MARCHF1: variants seen among roughly 807,000 people sequenced by gnomAD.
The protein encoded by MARCHF1 is membrane associated ring-CH-type finger 1, also known as E3 ubiquitin-protein ligase MARCHF1.
In MARCHF1, 40 loss-of-function variants were observed where a neutral mutation model predicts 54.2. The observed-to-expected ratio is 0.74, with a 90% confidence interval of 0.57 to 0.96. The LOEUF is 0.96. Ranked by LOEUF, MARCHF1 falls within the 40% of genes least tolerant of loss-of-function variation. The pLI, the probability that MARCHF1 is intolerant of heterozygous loss-of-function variation, is 0.00. For synonymous variants in MARCHF1, 236 were observed against 236.3 expected (o/e 1.00, Z 0.01); for missense variants, 586 against 656.5 (o/e 0.89, Z 1.17).
intron 7 of MARCHF1, among the ~76,000 whole-genome samples, chr4:163,608,683 G>C (rs1298671332): frequency 6.6e-6 from 1 of 152,010 alleles, no homozygotes; most frequent in Non-Finnish European, 1.5e-5. Flanking sequence ...TACTTTCTCT[G>C]AAAAAGGCTG....
intron 1 of MARCHF1, among the ~76,000 whole-genome samples, chr4:164,169,731 A>G (rs964976435): frequency 4.6e-5 from 7 of 152,234 alleles, no homozygotes; most frequent in Middle Eastern, 3.4e-3. Context: ...TGAAAATTAT[A>G]CAAAATCATG....
intron 1 of MARCHF1, among the ~76,000 whole-genome samples, chr4:164,303,106 A>T (rs1734607144): frequency 6.6e-6 from 1 of 152,046 alleles, no homozygotes; most frequent in Non-Finnish European, 1.5e-5. Flanking sequence ...CTGTAATTTT[A>T]TTTCTGCTCC....
intron 1 of MARCHF1, among the ~76,000 whole-genome samples, chr4:164,256,445 A>AAG (rs1362589442): frequency 1.3e-5 from 2 of 150,380 alleles, no homozygotes; most frequent in African/African-American, 4.8e-5. Flanking sequence ...AAAAAAAAAA[A>AAG]AAAGAAAGAA....
chr4:164,124,927 A>G (rs902065507), intron 1 of MARCHF1, among the ~76,000 whole-genome samples: 2 of 152,178 alleles, frequency 1.3e-5, no homozygotes, highest in African/African-American at 4.8e-5. Flanking sequence ...AAAATAACTT[A>G]GAGTATAATC....
intron 3 of MARCHF1, among the ~76,000 whole-genome samples, chr4:163,868,266 TTTA>T (rs1432652015): frequency 6.6e-6 from 1 of 151,734 alleles, no homozygotes; most frequent in Non-Finnish European, 1.5e-5. Context: ...ATGAGAAAAA[TTTA>T]TGACCCAATG....
chr4:163,986,515 T>C (rs1752874579), intron 3 of MARCHF1, among the ~76,000 whole-genome samples: 1 of 151,994 alleles, frequency 6.6e-6, no homozygotes, highest in Non-Finnish European at 1.5e-5. Context: ...TCCGCCCGCC[T>C]CGGCCTCCCA....
intron 1 of MARCHF1, among the ~76,000 whole-genome samples, chr4:164,235,803 G>A (rs757533972): frequency 1.3e-5 from 2 of 151,922 alleles, no homozygotes; most frequent in Admixed American, 6.6e-5. Context: ...TATACTACTC[G>A]GGTGATGGGT....
intron 1 of MARCHF1, among the ~76,000 whole-genome samples, chr4:164,128,510 T>C (rs1322976159): frequency 6.7e-6 from 1 of 149,300 alleles, no homozygotes; most frequent in Non-Finnish European, 1.5e-5. Context: ...ATGACCCTTA[T>C]ACTTATGAAA....
chr4:164,378,556 G>T (rs973192365), intron 1 of MARCHF1, among the ~76,000 whole-genome samples: 1 of 152,194 alleles, frequency 6.6e-6, no homozygotes, highest in East Asian at 1.9e-4. Flanking sequence ...CGGTGGCTAC[G>T]CCTTGGCATC....
intron 1 of MARCHF1, among the ~76,000 whole-genome samples, chr4:164,370,432 G>A (rs80034499): frequency 0.017 from 2,563 of 152,240 alleles, 79 homozygotes; most frequent in African/African-American, 0.059. Flanking sequence ...AGGCAGAGAG[G>A]GACCAGAGGA....
At chr4:163,721,197 T>C (rs987199338) in intron 4 of MARCHF1, among the ~76,000 whole-genome samples, 1 of 152,178 alleles carries the variant, frequency 6.6e-6, no homozygotes, top group Non-Finnish European at 1.5e-5. Context: ...TTTTGAGATA[T>C]GTCCCATCAA....
At chr4:164,011,275 T>C (rs1265274722) in intron 2 of MARCHF1, among the ~76,000 whole-genome samples, 1 of 152,118 alleles carries the variant, frequency 6.6e-6, no homozygotes, top group African/African-American at 2.4e-5. Flanking sequence ...AATGAGATCA[T>C]ATCAAGCTAA....
chr4:163,630,331 G>A (rs1428634032), intron 5 of MARCHF1, among the ~76,000 whole-genome samples: 1 of 152,144 alleles, frequency 6.6e-6, no homozygotes, highest in Admixed American at 6.5e-5. Context: ...AAAGAAGCCA[G>A]TTACAAGAGT....
At chr4:163,790,571 A>C (rs1424376322) in intron 4 of MARCHF1, among the ~76,000 whole-genome samples, 1 of 152,180 alleles carries the variant, frequency 6.6e-6, no homozygotes, top group Non-Finnish European at 1.5e-5. Context: ...AATCAGATTC[A>C]TCTTATCCTA....
intron 1 of MARCHF1, among the ~76,000 whole-genome samples, chr4:164,159,073 A>G (rs1030853107): frequency 6.6e-6 from 1 of 152,190 alleles, no homozygotes; most frequent in East Asian, 1.9e-4. Flanking sequence ...AAACTTTTCT[A>G]TTTCATGATT....
intron 4 of MARCHF1, among the ~76,000 whole-genome samples, chr4:163,797,192 ATATT>A (rs1205762407): frequency 6.6e-6 from 1 of 151,660 alleles, no homozygotes; most frequent in African/African-American, 2.4e-5. Context: ...TATTGAGTAT[ATATT>A]TATATTGCTC....
chr4:163,577,606 T>C (rs553304614), intron 8 of MARCHF1, among the ~76,000 whole-genome samples: 1 of 152,164 alleles, frequency 6.6e-6, no homozygotes, highest in East Asian at 1.9e-4. Flanking sequence ...TCTGAATTTC[T>C]TGTATCTGGA....
chr4:163,666,473 T>C (rs535664099), intron 5 of MARCHF1, among the ~76,000 whole-genome samples: 1 of 152,272 alleles, frequency 6.6e-6, no homozygotes, highest in East Asian at 1.9e-4. Flanking sequence ...AGGGATTATT[T>C]CATGCACTTA....
intron 5 of MARCHF1, among the ~76,000 whole-genome samples, chr4:163,639,940 T>C (rs1271138028): frequency 6.6e-6 from 1 of 152,116 alleles, no homozygotes; most frequent in Non-Finnish European, 1.5e-5. Flanking sequence ...TGGCATGTTC[T>C]TTGGACTGAT....
Sources: gnomAD v4.1 joint callset for allele counts (sites outside exome capture counted in the v4.1 genomes callset) on GRCh38, gnomAD v4.1.1 for gene constraint, MANE v1.5 for transcripts, NCBI Gene and HGNC (gene_info 2026-07-23, HGNC 2026-07-21) for gene names.